The following IGDCC3 variants were observed in gnomAD, a reference collection of about 807,000 sequenced individuals.
The protein encoded by IGDCC3 is immunoglobulin superfamily DCC subclass member 3, also known as putative neuronal cell adhesion molecule.
IGDCC3 carries 47 observed loss-of-function variants against 72.0 expected under a neutral mutation model. The observed-to-expected ratio is 0.65, with a 90% CI of 0.52 to 0.83. The LOEUF (loss-of-function observed/expected upper bound fraction) is 0.83, where lower values mean the gene tolerates loss of function less well. IGDCC3 is among the 40% of genes least tolerant of loss of function. IGDCC3 has a pLI of 0.00. For synonymous variants in IGDCC3, 477 were observed against 472.8 expected, an observed-to-expected ratio of 1.01 and a Z score of -0.11; for missense variants, 1,038 against 1,091.3, an observed-to-expected ratio of 0.95 and a Z score of 0.69.
At chr15:65,344,278 A>G (rs984303997) in intron 2 of IGDCC3, among the ~76,000 whole-genome samples, 3 of 152,038 alleles carry the variant, frequency 2.0e-5, no homozygotes, top group African/African-American at 7.2e-5. Flanking sequence ...GACTTTGCCT[A>G]GTGACCCTGC....
chr15:65,373,159 T>C (rs2091337512), intron 2 of IGDCC3, among the ~76,000 whole-genome samples: 1 of 152,232 alleles, frequency 6.6e-6, no homozygotes, highest in Non-Finnish European at 1.5e-5. Context: ...CCCAGGATTC[T>C]AGGCTGGTGA....
At chr15:65,335,744 CCTT>C (rs1448297137) in intron 3 of IGDCC3, 65 bp downstream of exon 3, 2 of 1,578,672 alleles carry the variant, frequency 1.3e-6, no homozygotes, top group Non-Finnish European at 1.7e-6. Context: ...CGCGGGCCAT[CCTT>C]CTCTACGGCC....
At position 65,339,550 on chromosome 15, in the gene IGDCC3, GC is replaced by G. The variant is rs1292568134; in HGVS notation, c.410-3595del. ...CAAGTGTGTTTATGCCCTGGCTTGTGCCAGCAGGCCACAGAGCCGGGTGGAC... is the reference window on the plus strand; with the variant it reads ...CAAGTGTGTTTATGCCCTGGCTTGTGCAGCAGGCCACAGAGCCGGGTGGAC... On this transcript the variant is annotated intron_variant, in intron 2 of 13. Coordinates refer to ENST00000327987, the MANE Select transcript of IGDCC3 (RefSeq NM_004884.4). The surrounding 1 kb of genome is among the most constrained non-coding windows in gnomAD (Gnocchi z 4.1). Among the ~76,000 whole-genome samples, 3 of 152,230 alleles carry G rather than the reference GC, an allele frequency of 2.0e-5. No homozygotes were observed. The highest frequency in any genetic ancestry group is 4.4e-5 in the Non-Finnish European group (3 of 68,046).
At chr15:65,331,282 G>C in intron 8 of IGDCC3, 68 bp from the exon 9 acceptor site, 8 of 1,586,924 alleles carry the variant, frequency 5.0e-6, no homozygotes, top group Non-Finnish European at 6.9e-6. Flanking sequence ...TTGGTGAAAT[G>C]AGGGCAGCCA....
chr15:65,353,247 T>C (rs1351346048), intron 2 of IGDCC3, among the ~76,000 whole-genome samples: 1 of 138,324 alleles, frequency 7.2e-6, no homozygotes, highest in East Asian at 2.6e-4. Flanking sequence ...CCCTCCTTCC[T>C]TCCTTCCTTC....
At chr15:65,338,247 C>T (rs183884102) in intron 2 of IGDCC3, among the ~76,000 whole-genome samples, 1 of 152,264 alleles carries the variant, frequency 6.6e-6, no homozygotes. Flanking sequence ...TCCGTCAGAG[C>T]AGCACCTTGC....
intron 2 of IGDCC3, among the ~76,000 whole-genome samples, chr15:65,370,515 AATAT>A (rs60597969): frequency 0.18 from 12,849 of 71,064 alleles, 827 homozygotes; most frequent in Non-Finnish European, 0.22. Flanking sequence ...TCAAAAAAAA[AATAT>A]ATATATATAT....
At chr15:65,359,497 A>T (rs993066534) in intron 2 of IGDCC3, among the ~76,000 whole-genome samples, 1 of 152,126 alleles carries the variant, frequency 6.6e-6, no homozygotes, top group South Asian at 2.1e-4. Flanking sequence ...GAGATGACTG[A>T]GTACCACTAG....
chr15:65,372,574 C>T (rs1341160632), intron 2 of IGDCC3, among the ~76,000 whole-genome samples: 1 of 152,170 alleles, frequency 6.6e-6, no homozygotes, highest in East Asian at 1.9e-4. Flanking sequence ...GCAGACCCAC[C>T]GACATAGACC....
chr15:65,331,202 A>G lies in IGDCC3; in HGVS notation c.1409T>C (p.Leu470Pro), dbSNP rs753782123. ...HIRKAADPPE[L>P]EYQEAVSKST... ...CTTGCTGACTGCCTCCTGATACTCC[A>G]GCTCCGGTGGGTCTGGAGAGGCACA... is the stretch of plus-strand genomic sequence containing the variant. The change falls in exon 9 of 14, where the codon CTG becomes CCG. Residue 470 changes from leucine to proline, a missense_variant. Transcript: ENST00000327987. 6.2e-7 allele frequency: 1 copy of G among 1,613,906 alleles called. No homozygotes were observed. Among genetic ancestry groups the G allele is most frequent in the South Asian group, 1.1e-5 (1 of 91,072 alleles).
At position 65,330,290 on chromosome 15, in the gene IGDCC3, C is replaced by T; in HGVS notation, c.1858+3G>A. On this transcript the variant is annotated splice_donor_region_variant and intron_variant, in intron 11 of 13. Coordinates refer to ENST00000327987, the MANE Select transcript of IGDCC3 (RefSeq NM_004884.4). ...AGCCCCGCACTCCATCCCCAGCCCTCACCTGTCCTCTCAGATGCTCCCCTC... is the reference window on the plus strand; with the variant it reads ...AGCCCCGCACTCCATCCCCAGCCCTTACCTGTCCTCTCAGATGCTCCCCTC... 6.2e-7 allele frequency: 1 copy of T among 1,608,598 alleles called. No homozygotes were observed. The highest frequency in any genetic ancestry group is 8.5e-7 in the Non-Finnish European group (1 of 1,175,680).
In IGDCC3 at chr15:65,328,336, G is replaced by A. The variant is rs2090939651; in HGVS notation, c.*573C>T. On this transcript the variant is annotated 3_prime_UTR_variant, in exon 14 of 14. Transcript: ENST00000327987. ...TTTTTTTACTCTGGACAACAGTGTG[G>A]GAAGGGAGAGGGGGTCCCCAGCAAG... The A allele has an allele frequency of 6.7e-6, 1 of 148,882 alleles. No homozygotes were observed. The highest frequency in any genetic ancestry group is 1.5e-5 in the Non-Finnish European group (1 of 67,452). The allele number at this position is 148,882 out of a possible 1,614,324, so 9.2% of individuals were successfully genotyped here. A position where few individuals can be genotyped will look rare whatever the true frequency, so the allele number is the denominator to read the frequency against.
rs2091366628 is a variant in IGDCC3, at chr15:65,377,562, G to A, written c.103+124C>T. 9 of 991,746 alleles carry A rather than the reference G, an allele frequency of 9.1e-6. No homozygotes were observed. The highest frequency in any genetic ancestry group is 1.3e-6 in the Non-Finnish European group (1 of 768,098). 61.4% of individuals were successfully genotyped at this position (991,746 alleles called of 1,614,324 possible). A position where few individuals can be genotyped will look rare whatever the true frequency, so the allele number is the denominator to read the frequency against. ...CGTCCGGATCCGCAGGGTCCCCCCC[G>A]CGCGGGGTCCGCCCTCAGGTCCGCG... On this transcript the variant is annotated intron_variant, in intron 1 of 13. Transcript: ENST00000327987. This position sits in a 1 kb window ranked among gnomAD's most constrained non-coding sequence, Gnocchi z 4.9.
At chr15:65,343,408 G>A (rs1289779509) in intron 2 of IGDCC3, among the ~76,000 whole-genome samples, 1 of 150,222 alleles carries the variant, frequency 6.7e-6, no homozygotes, top group Non-Finnish European at 1.5e-5. Flanking sequence ...TGGTGTGGGG[G>A]GAGGACATGT....
At chr15:65,354,396 GC>G (rs1192231577) in intron 2 of IGDCC3, among the ~76,000 whole-genome samples, 1 of 152,050 alleles carries the variant, frequency 6.6e-6, no homozygotes, top group Non-Finnish European at 1.5e-5. Flanking sequence ...TGCTTCCACT[GC>G]CCCCTCTGCC....
intron 2 of IGDCC3, among the ~76,000 whole-genome samples, chr15:65,365,768 AC>A (rs2091285661): frequency 6.6e-6 from 1 of 152,202 alleles, no homozygotes. Context: ...AGGAACTCTC[AC>A]AAAACTGAAG....
rs760567440 is a variant in IGDCC3 at position 65,329,402 on chromosome 15, G to A, written c.2193C>T (p.Asp731=). 6.3e-7 allele frequency: 1 copy of A among 1,587,732 alleles called. No homozygotes were observed. Among genetic ancestry groups the A allele is most frequent in the Non-Finnish European group, 8.5e-7 (1 of 1,171,036 alleles). ...CATGGGCACTCACTGTGGGTCTGGGGTCCGGCTGCCCTGCTGCGCTGGCCG... is the reference window on the plus strand; with the variant it reads ...CATGGGCACTCACTGTGGGTCTGGGATCCGGCTGCCCTGCTGCGCTGGCCG... The part of the protein sequence containing the change: ...FPPASAAGQP[D]PRPTQDPAAP... The change falls in exon 13 of 14, where the codon GAC becomes GAT. Residue 731 remains aspartate (D), a synonymous_variant. Transcript: ENST00000327987. The surrounding 1 kb of genome is among the most constrained non-coding windows in gnomAD (Gnocchi z 4.1).
chr15:65,362,455 G>T (rs540870531), intron 2 of IGDCC3, among the ~76,000 whole-genome samples: 3 of 151,908 alleles, frequency 2.0e-5, no homozygotes, highest in African/African-American at 7.2e-5. Flanking sequence ...GGCCAGAGGA[G>T]GTATCCCCTC....
chr15:65,333,304 G>T lies in IGDCC3; in HGVS notation c.935C>A (p.Pro312His). Reference sequence around the variant, plus strand: ...TGCCGTTCTCCTCACCCGGGTGCCAGGTCTGTTGGCTGCACAGACGTAGAC... The same window carrying T: ...TGCCGTTCTCCTCACCCGGGTGCCATGTCTGTTGGCTGCACAGACGTAGAC... ...SGVYVCAANR[P>H]GTRVRRTAQG... Residue 312 changes from proline to histidine, a missense_variant, in exon 6 of 14, where the codon CCT becomes CAT. Physicochemically the swap from Pro to His is moderately conservative, Grantham distance 77. Transcript: ENST00000327987. 6.2e-7 allele frequency: 1 copy of T among 1,613,082 alleles called. No homozygotes were observed. The highest frequency in any genetic ancestry group is 1.1e-5 in the South Asian group (1 of 90,964).
Sources: allele counts gnomAD v4.1 joint callset (sites outside exome capture counted in the v4.1 genomes callset), GRCh38; gene constraint gnomAD v4.1.1; non-coding constraint Gnocchi (gnomAD v3.1); transcripts MANE v1.5; gene names NCBI Gene and HGNC (gene_info 2026-07-23, HGNC 2026-07-21).